The following XPA variants were observed in gnomAD, a reference collection of about 807,000 sequenced individuals.
XPA encodes DNA repair protein complementing XP-A cells.
Under a neutral mutation model 35.7 loss-of-function variants are expected in XPA, and 27 were observed. The ratio of observed to expected loss-of-function variants is 0.76; its 90% CI spans 0.56 to 1.04. XPA has a LOEUF of 1.04. Ranked by LOEUF, XPA falls within the 50% of genes least tolerant of loss-of-function variation. XPA has a pLI of 0.00. For synonymous variants in XPA, 133 were observed against 118.4 expected, an observed-to-expected ratio of 1.12 and a Z score of -0.80; for missense variants, 354 against 342.7, an observed-to-expected ratio of 1.03 and a Z score of -0.26.
At position 97,687,079 on chromosome 9, in the gene XPA, TAC is replaced by T; in HGVS notation, c.555+15_555+16del. 6.3e-7 allele frequency: 1 copy of T among 1,598,070 alleles called. No homozygotes were observed. Among genetic ancestry groups the T allele is most frequent in the South Asian group, 1.1e-5 (1 of 87,704 alleles). On this transcript the variant is annotated intron_variant, in intron 4 of 5. Transcript: ENST00000375128. ...ATTTACCAGAGTGAAAAATAATAAA[TAC>T]AACTTATTAGAGACCTGTAACTTTA...
chr9:97,666,852 A>T, the XPA span: 6 of 1,609,544 alleles, frequency 3.7e-6, no homozygotes, highest in Non-Finnish European at 5.1e-6. Context: ...GAAGCTAAAG[A>T]GAAACTTGCT....
In XPA at chr9:97,683,082, CTTA is replaced by C. The variant is rs756390465; in HGVS notation, c.673+1838_673+1840del. Among the ~76,000 whole-genome samples the C allele has an allele frequency of 2.8e-4, 43 of 152,198 alleles. No individual in the cohort carries two copies. The South Asian group carries it at 6.4e-3, about 23-fold the overall frequency. Reference sequence around the variant, plus strand: ...TGCAGATACAGGTTTTTAATTAATACTTATTATTTTATCCATGTATTATTATCT... The same window carrying C: ...TGCAGATACAGGTTTTTAATTAATACTTATTTTATCCATGTATTATTATCT... On this transcript the variant is annotated intron_variant, in intron 5 of 5. Transcript: ENST00000375128.
the XPA span, among the ~76,000 whole-genome samples, chr9:97,661,843 CT>C: frequency 1.5e-5 from 2 of 137,214 alleles, no homozygotes; most frequent in Non-Finnish European, 3.1e-5. Flanking sequence ...TCACATAAAA[CT>C]AAGACTTAAA....
chr9:97,673,509 C>T (rs1828260267), downstream of XPA: 1 of 152,154 alleles, frequency 6.6e-6, no homozygotes, highest in Admixed American at 6.5e-5. Context: ...TTGCTTTTAA[C>T]AGCTGTTCGC....
intron 2 of XPA, 41 bp from the exon 3 acceptor site, chr9:97,689,680 C>G (rs780544820): frequency 8.5e-7 from 1 of 1,180,632 alleles, no homozygotes; most frequent in African/African-American, 1.5e-5. Context: ...TTTTTTATGA[C>G]TAGAACAATA....
At chr9:97,659,211 G>A in the XPA span, among the ~76,000 whole-genome samples, 2 of 152,228 alleles carry the variant, frequency 1.3e-5, no homozygotes, top group East Asian at 1.9e-4. Context: ...GTAATTTGAT[G>A]TGCCATTTTG....
At chr9:97,664,308 TGTGA>T in the XPA span, 2 of 1,347,182 alleles carry the variant, frequency 1.5e-6, no homozygotes, top group African/African-American at 1.4e-5. Flanking sequence ...TATGTGTGTG[TGTGA>T]TTTACTTGAA....
the XPA span, among the ~76,000 whole-genome samples, chr9:97,654,598 A>G: frequency 2.6e-5 from 4 of 152,076 alleles, no homozygotes; most frequent in Non-Finnish European, 5.9e-5. Context: ...TCTGCTAAGC[A>G]CAATGAAACA....
chr9:97,669,533 T>G, the XPA span: 3 of 1,218,186 alleles, frequency 2.5e-6, no homozygotes, highest in South Asian at 3.7e-5. Flanking sequence ...TGTCATGAAT[T>G]TTTTTCCAAA....
chr9:97,655,591 C>T, the XPA span: 2 of 770,148 alleles, frequency 2.6e-6, no homozygotes, highest in Non-Finnish European at 4.2e-6. Context: ...ATATGCTTTT[C>T]ATTAACTCTG....
At chr9:97,669,570 C>T in the XPA span, 2 of 1,523,488 alleles carry the variant, frequency 1.3e-6, no homozygotes, top group Non-Finnish European at 1.8e-6. Flanking sequence ...GTAGTACTAC[C>T]TTAACTTCTT....
the XPA span, among the ~76,000 whole-genome samples, chr9:97,654,610 T>C: frequency 6.6e-6 from 1 of 151,338 alleles, no homozygotes; most frequent in Admixed American, 6.6e-5. Flanking sequence ...AATGAAACAA[T>C]GTATGCCTGT....
chr9:97,670,785 C>T (rs73500328), downstream of XPA, among the ~76,000 whole-genome samples: 17,902 of 152,096 alleles, frequency 0.12, 2,972 homozygotes, highest in African/African-American at 0.36. Context: ...GAGCCTAGTC[C>T]GTAATAGTAC....
downstream of XPA, chr9:97,672,125 G>A (rs1564033035): frequency 6.6e-6 from 1 of 152,176 alleles, no homozygotes; most frequent in Non-Finnish European, 1.5e-5. Context: ...CTTGTTTCCT[G>A]TATAGTACTG....
the XPA span, among the ~76,000 whole-genome samples, chr9:97,666,570 G>A: frequency 6.6e-6 from 1 of 152,328 alleles, no homozygotes; most frequent in East Asian, 1.9e-4. Context: ...AATCTAATGG[G>A]TGTGAAGATA....
At chr9:97,666,480 A>G in the XPA span, among the ~76,000 whole-genome samples, 3 of 152,210 alleles carry the variant, frequency 2.0e-5, no homozygotes, top group Admixed American at 6.5e-5. Flanking sequence ...TGCCATTTCA[A>G]TTCAGTAAGT....
Position 97,685,038 on chromosome 9 carries a change from A to C in XPA, c.558T>G (p.Ile186Met). 6.2e-7 allele frequency: 1 copy of C among 1,611,968 alleles called. No homozygotes were observed. ...CCCAAACTTCAAGAGACCTCTTCAC[A>C]ATCTACAACACAAAATCCATATTTA... is the stretch of plus-strand genomic sequence containing the variant. ...GDMKLYLKLQ[I>M]VKRSLEVWGS... The change falls in exon 5 of 6, where the codon ATT becomes ATG. Residue 186 changes from isoleucine (I) to methionine (M), a missense_variant and splice_region_variant. Transcript: ENST00000375128.
At chr9:97,681,611 A>T (rs902744540) in intron 5 of XPA, among the ~76,000 whole-genome samples, 4 of 152,208 alleles carry the variant, frequency 2.6e-5, no homozygotes, top group African/African-American at 9.6e-5. Flanking sequence ...GGTATAACTA[A>T]AGAAATGCCT....
At chr9:97,656,848 C>T in the XPA span, among the ~76,000 whole-genome samples, 1 of 152,198 alleles carries the variant, frequency 6.6e-6, no homozygotes, top group African/African-American at 2.4e-5. Flanking sequence ...AGCATACAAC[C>T]TTTTAGATCA....
Sources: gnomAD v4.1 joint callset for allele counts (sites outside exome capture counted in the v4.1 genomes callset) on GRCh38, gnomAD v4.1.1 for gene constraint, MANE v1.5 for transcripts, NCBI Gene and HGNC (gene_info 2026-07-23, HGNC 2026-07-21) for gene names.